The following PDE1C variants were observed in gnomAD, a reference collection of about 807,000 sequenced individuals.
PDE1C encodes the protein dual specificity calcium/calmodulin-dependent 3',5'-cyclic nucleotide phosphodiesterase 1C.
In PDE1C, 62 loss-of-function variants were observed where a neutral mutation model predicts 93.1. The ratio of observed to expected loss-of-function variants is 0.67; its 90% CI spans 0.54 to 0.82. The LOEUF (loss-of-function observed/expected upper bound fraction) is 0.82. PDE1C is among the 40% of genes least tolerant of loss of function. The pLI is 0.00. For missense variants in PDE1C, 742 were observed against 884.6 expected, an observed-to-expected ratio of 0.84 and a Z score of 2.04; for synonymous variants, 325 against 310.1, an observed-to-expected ratio of 1.05 and a Z score of -0.50.
At position 32,162,173 on chromosome 7, in the gene PDE1C, C is replaced by T. The variant is rs1418685391; in HGVS notation, c.308+7612G>A. ...TTAATCTCAATGCTTCCACAAAATCCCCTGTAAGGCAATAAAAGTACAAGA... is the reference window on the plus strand; with the variant it reads ...TTAATCTCAATGCTTCCACAAAATCTCCTGTAAGGCAATAAAAGTACAAGA... On this transcript the variant is annotated intron_variant, in intron 3 of 18. Transcript: ENST00000396193. Among the ~76,000 whole-genome samples, 3 of 152,230 alleles carry T rather than the reference C, an allele frequency of 2.0e-5. No homozygotes were observed. The Middle Eastern group carries it at 0.01, about 518-fold the overall frequency.
chr7:32,301,429 A>T (rs994303254), upstream of PDE1C, among the ~76,000 whole-genome samples: 2 of 152,218 alleles, frequency 1.3e-5, no homozygotes, highest in African/African-American at 2.4e-5. Context: ...ATAACCTATG[A>T]AAATAATAAA....
chr7:31,661,583 C>T, the PDE1C span, among the ~76,000 whole-genome samples: 34 of 152,138 alleles, frequency 2.2e-4, no homozygotes, highest in Middle Eastern at 3.4e-3. Context: ...CATGGTGGCA[C>T]GTGCCTATAA....
At chr7:32,150,980 A>G (rs1044560709) in intron 3 of PDE1C, among the ~76,000 whole-genome samples, 2 of 152,200 alleles carry the variant, frequency 1.3e-5, no homozygotes, top group South Asian at 2.1e-4. Context: ...CAAAGTCCCC[A>G]TTCAAACCTA....
intron 1 of PDE1C, among the ~76,000 whole-genome samples, chr7:32,231,270 A>G (rs1457081665): frequency 6.6e-6 from 1 of 152,180 alleles, no homozygotes; most frequent in East Asian, 1.9e-4. Context: ...GAAGATGTTC[A>G]CCAGCTTAGA....
intron 2 of PDE1C, among the ~76,000 whole-genome samples, chr7:31,923,317 C>T (rs1026622635): frequency 6.6e-6 from 1 of 152,132 alleles, no homozygotes; most frequent in Non-Finnish European, 1.5e-5. Context: ...CTTTTAAAGA[C>T]TGTGGGTGCC....
chr7:31,983,886 G>A (rs544616564), intron 2 of PDE1C, among the ~76,000 whole-genome samples: 37 of 152,290 alleles, frequency 2.4e-4, no homozygotes, highest in Non-Finnish European at 4.1e-4. Context: ...TCTGAGCTCG[G>A]GCTGTTGAAT....
the PDE1C span, among the ~76,000 whole-genome samples, chr7:31,723,813 A>G: frequency 6.6e-6 from 1 of 152,186 alleles, no homozygotes. Flanking sequence ...ATTCTCGTCT[A>G]CAGCATCCTG....
At chr7:32,294,742 T>G (rs1166629078) in intron 1 of PDE1C, among the ~76,000 whole-genome samples, 2 of 152,226 alleles carry the variant, frequency 1.3e-5, no homozygotes, top group African/African-American at 4.8e-5. Context: ...TACAAGGTAC[T>G]GCACCTACGC....
At chr7:31,910,266 G>A (rs1214115608) in intron 2 of PDE1C, among the ~76,000 whole-genome samples, 1 of 151,922 alleles carries the variant, frequency 6.6e-6, no homozygotes, top group Non-Finnish European at 1.5e-5. Flanking sequence ...TTTCAACTTT[G>A]CACAGTTCTT....
intron 1 of PDE1C, among the ~76,000 whole-genome samples, chr7:32,418,110 T>A (rs1785312606): frequency 6.6e-6 from 1 of 152,194 alleles, no homozygotes; most frequent in Non-Finnish European, 1.5e-5. Context: ...AGCCTCAGCC[T>A]CCCAAAGTGC....
At chr7:32,338,990 T>G (rs544678735) in intron 1 of PDE1C, among the ~76,000 whole-genome samples, 47 of 143,458 alleles carry the variant, frequency 3.3e-4, no homozygotes, top group African/African-American at 1.1e-3. Context: ...GCGACAGAGC[T>G]AGACTCCATC....
At chr7:31,937,981 T>A (rs1805317580) in intron 2 of PDE1C, among the ~76,000 whole-genome samples, 1 of 152,166 alleles carries the variant, frequency 6.6e-6, no homozygotes, top group African/African-American at 2.4e-5. Context: ...GTGTTTACTT[T>A]GCCTTGAAAA....
the PDE1C span, chr7:31,697,260 C>T: frequency 1.3e-5 from 13 of 1,013,010 alleles, no homozygotes; most frequent in Non-Finnish European, 9.9e-6. Context: ...AAGCCACACT[C>T]AGTGCTACCT....
intron 3 of PDE1C, among the ~76,000 whole-genome samples, chr7:32,124,424 G>T (rs1799458587): frequency 1.3e-5 from 2 of 152,120 alleles, no homozygotes; most frequent in Non-Finnish European, 2.9e-5. Flanking sequence ...GAAAAAAGCT[G>T]GATGCATCAT....
Position 32,242,143 on chromosome 7 carries a change from G to T in PDE1C, c.86-32604C>A, listed in dbSNP as rs75837740. On this transcript the variant is annotated intron_variant, in intron 1 of 18. Transcript: ENST00000396193. ...ATGAGGCAGTAAGCATGGTTTACCT[G>T]GATTTGGGGTTTGCCAAGCAAATAG... Among the ~76,000 whole-genome samples the T allele has an allele frequency of 5.7e-3, 872 of 152,256 alleles. 4 individuals are homozygous for T. Among genetic ancestry groups the T allele is most frequent in the African/African-American group, 0.02 (834 of 41,562 alleles).
intron 2 of PDE1C, among the ~76,000 whole-genome samples, chr7:32,202,439 A>G (rs1805083104): frequency 6.6e-6 from 1 of 152,226 alleles, no homozygotes; most frequent in African/African-American, 2.4e-5. Context: ...TGACCCCATG[A>G]CAGGGATGTC....
At position 32,342,319 on chromosome 7, in the gene PDE1C, C is replaced by G. The variant is rs549680628; in HGVS notation, c.310+85503G>C. Among the ~76,000 whole-genome samples, 6 of 152,130 alleles carry G rather than the reference C, an allele frequency of 3.9e-5. No individual in the cohort carries two copies. The South Asian group carries it at 6.2e-4, about 16-fold the overall frequency. On this transcript the variant is annotated intron_variant, in intron 1 of 1. Coordinates refer to the PDE1C transcript ENST00000672256. Reference sequence around the variant, plus strand: ...TGTTCAATCCCTCTCTGAAGAACAACTTGAGTTAATCAATAACAGGAAATA... The same window carrying G: ...TGTTCAATCCCTCTCTGAAGAACAAGTTGAGTTAATCAATAACAGGAAATA...
At chr7:32,356,757 C>G (rs1784037053) in intron 1 of PDE1C, among the ~76,000 whole-genome samples, 2 of 152,162 alleles carry the variant, frequency 1.3e-5, no homozygotes, top group South Asian at 4.1e-4. Flanking sequence ...CTTGATTTTT[C>G]AGATTTATAT....
chr7:31,999,443 G>A (rs1228315351), intron 2 of PDE1C, among the ~76,000 whole-genome samples: 1 of 152,104 alleles, frequency 6.6e-6, no homozygotes, highest in Non-Finnish European at 1.5e-5. Flanking sequence ...CAGGGTAAGG[G>A]CAGGGGAACT....
Sources: allele counts gnomAD v4.1 joint callset (sites outside exome capture counted in the v4.1 genomes callset), GRCh38; gene constraint gnomAD v4.1.1; transcripts MANE v1.5; gene names NCBI Gene and HGNC (gene_info 2026-07-23, HGNC 2026-07-21).